Variants in PYGM observed in about 807,000 individuals in gnomAD.
The protein encoded by PYGM is glycogen phosphorylase, muscle form.
In PYGM, 81 loss-of-function variants were observed where a neutral mutation model predicts 99.3. The observed-to-expected ratio is 0.82, with a 90% CI of 0.68 to 0.98. PYGM has a LOEUF of 0.98. Ranked by LOEUF, PYGM falls within the 50% of genes least tolerant of loss-of-function variation. The probability of loss-of-function intolerance (pLI) is 0.00; values close to 1 mark genes in which losing one functional copy is unlikely to be tolerated. For missense variants in PYGM, 1,030 were observed against 1,158.1 expected, an observed-to-expected ratio of 0.89 and a Z score of 1.61; for synonymous variants, 436 against 451.5, an observed-to-expected ratio of 0.97 and a Z score of 0.44.
At chr11:64,750,109 T>C (rs938547802) in intron 17 of PYGM, among the ~76,000 whole-genome samples, 7 of 152,208 alleles carry the variant, frequency 4.6e-5, no homozygotes, top group Non-Finnish European at 8.8e-5. Flanking sequence ...AGGATTTTTT[T>C]ACTTCCATTT....
At chr11:64,758,062 T>A in intron 4 of PYGM, 152 bp from the exon 5 acceptor site, 3 of 1,395,848 alleles carry the variant, frequency 2.1e-6, no homozygotes, top group Non-Finnish European at 3.0e-6. Flanking sequence ...TGCTGGGCTA[T>A]CGAGTGGGAC....
In PYGM at chr11:64,750,602, G is replaced by A. The variant is rs537230893; in HGVS notation, c.1970-19C>T. ...GGGATCACTGTGGGGTGGCAGCAGG[G>A]GGACAAGTCAACTCAGGGAAGACCC... On this transcript the variant is annotated intron_variant, in intron 16 of 19. Coordinates refer to ENST00000164139, the MANE Select transcript of PYGM (RefSeq NM_005609.4). 18 of 1,612,600 alleles carry A rather than the reference G, an allele frequency of 1.1e-5. No homozygotes were observed. The South Asian group carries it at 1.8e-4, about 16-fold the overall frequency.
At chr11:64,751,290 A>C in intron 16 of PYGM, 35 bp downstream of exon 16, 1 of 1,613,622 alleles carries the variant, frequency 6.2e-7, no homozygotes, top group Non-Finnish European at 8.5e-7. Flanking sequence ...TGAACTAGTC[A>C]GAGCCTCCCT....
chr11:64,753,851 A>G (rs1181824831), intron 10 of PYGM, 28 bp downstream of exon 10: 1 of 1,345,770 alleles, frequency 7.4e-7, no homozygotes. Context: ...CCTCACCCCC[A>G]CACCATCCCC....
chr11:64,752,504 G>A lies in PYGM; in HGVS notation c.1519C>T (p.Arg507Cys), dbSNP rs1420860986. 1.1e-5 allele frequency: 17 copies of A among 1,613,132 alleles called. No homozygotes were observed. Among genetic ancestry groups the A allele is most frequent in the Middle Eastern group, 1.7e-4 (1 of 6,060 alleles). The stretch of plus-strand genomic sequence containing the variant: ...TCAGAGATGAAGTCCTCCCCGATGC[G>A]CTATGGGAAGACGGCTCTCAGCCAA... ...NPGLAEVIAERIGEDFISDLD... is the reference protein window; with the variant it reads ...NPGLAEVIAECIGEDFISDLD... Residue 507 changes from arginine (R) to cysteine (C), a missense_variant and splice_region_variant, in exon 13 of 20, where the codon CGC becomes TGC. Transcript: ENST00000164139.
At chr11:64,752,933 G>C in intron 12 of PYGM, 140 bp downstream of exon 12, 1 of 864,978 alleles carries the variant, frequency 1.2e-6, no homozygotes, top group East Asian at 2.4e-5. Flanking sequence ...AGGTGGATGC[G>C]AGGCTTGGGG....
At position 64,746,581 on chromosome 11, in the gene PYGM, C is replaced by A. The variant is rs1565530516; in HGVS notation, c.*78G>T. ...TTAGAGATCTAACTCCAGTACCCCA[C>A]CCTCTGCATGAGGTGCTGGGGCTGG... On this transcript the variant is annotated 3_prime_UTR_variant, in exon 20 of 20. Coordinates refer to ENST00000164139, the MANE Select transcript of PYGM (RefSeq NM_005609.4). 3 of 1,579,220 alleles carry A rather than the reference C, an allele frequency of 1.9e-6. No individual in the cohort carries two copies.
intron 1 of PYGM, among the ~76,000 whole-genome samples, chr11:64,759,290 G>A (rs1358258672): frequency 6.6e-6 from 1 of 151,366 alleles, no homozygotes; most frequent in Non-Finnish European, 1.5e-5. Flanking sequence ...CTTGATCTCT[G>A]CCGCCCCAGC....
chr11:64,753,042 T>A, intron 12 of PYGM, 31 bp downstream of exon 12: 1 of 1,544,344 alleles, frequency 6.5e-7, no homozygotes, highest in Non-Finnish European at 9.0e-7. Context: ...GGACCCATGT[T>A]GACTCTACTG....
At chr11:64,758,027 G>A (rs972611250) in intron 4 of PYGM, 117 bp from the exon 5 acceptor site, 1 of 1,494,820 alleles carries the variant, frequency 6.7e-7, no homozygotes, top group Non-Finnish European at 9.1e-7. Flanking sequence ...GTATAAGTCA[G>A]GAGCTCTGAG....
In PYGM at chr11:64,750,599, A is replaced by AG. The variant is rs1256951903; in HGVS notation, c.1970-17dup. 1 of 1,613,196 alleles carries AG rather than the reference A, an allele frequency of 6.2e-7. No individual in the cohort carries two copies. The highest frequency in any genetic ancestry group is 1.6e-4 in the Middle Eastern group (1 of 6,062). On this transcript the variant is annotated splice_polypyrimidine_tract_variant and intron_variant, in intron 16 of 19. Transcript: ENST00000164139. ...GCTGGGATCACTGTGGGGTGGCAGC[A>AG]GGGGGACAAGTCAACTCAGGGAAGA... is the stretch of plus-strand genomic sequence containing the variant.
At chr11:64,756,079 C>T (rs2058392889) in intron 5 of PYGM, among the ~76,000 whole-genome samples, 1 of 152,220 alleles carries the variant, frequency 6.6e-6, no homozygotes, top group South Asian at 2.1e-4. Context: ...TTGTCTGCTA[C>T]CACGGTGCCA....
chr11:64,750,384 G>A lies in PYGM; in HGVS notation c.2169C>T (p.Asp723=), dbSNP rs2058346346. Residue 723 remains aspartate (D), a synonymous_variant, in exon 17 of 20, where the codon GAC becomes GAT. Transcript: ENST00000164139. ...GMRVEDVDKL[D]QRGYNAQEYY... is the part of the protein sequence containing the mutation. Reference sequence around the variant, plus strand: ...AACCCTGACCCCCATACCCTCTTTGGTCAAGCTTATCCACATCCTCCACCC... The same window carrying A: ...AACCCTGACCCCCATACCCTCTTTGATCAAGCTTATCCACATCCTCCACCC... The A allele has an allele frequency of 1.2e-6, 2 of 1,613,882 alleles. No homozygotes were observed. The highest frequency in any genetic ancestry group is 1.7e-6 in the Non-Finnish European group (2 of 1,179,990).
Position 64,755,174 on chromosome 11 carries a change from G to T in PYGM, c.855+99C>A, listed in dbSNP as rs1040257311. The stretch of plus-strand genomic sequence containing the variant: ...TGCACAAGGCCAGCAATATGCCCTG[G>T]GTGTGACTAGGGCACCAGCAAGTGT... On this transcript the variant is annotated intron_variant, in intron 7 of 19. Coordinates refer to ENST00000164139, the MANE Select transcript of PYGM (RefSeq NM_005609.4). This position sits in a 1 kb window ranked among gnomAD's most constrained non-coding sequence, Gnocchi z 4.1. The T allele has an allele frequency of 7.5e-7, 1 of 1,341,350 alleles. No homozygotes were observed. The highest frequency in any genetic ancestry group is 1.1e-6 in the Non-Finnish European group (1 of 939,000). 83.1% of individuals were successfully genotyped at this position (1,341,350 alleles called of 1,614,324 possible).
Position 64,754,152 on chromosome 11 carries a change from C to CT in PYGM, c.1092+100dup. 6.3e-7 allele frequency: 1 copy of CT among 1,581,740 alleles called. No homozygotes were observed. The highest frequency in any genetic ancestry group is 1.7e-5 in the Admixed American group (1 of 59,966). ...AGGACGGTCCCTCTGGCCTCAGGCTCTGATCCCTTCACTCCATTCATATCC... is the reference window on the plus strand; with the variant it reads ...AGGACGGTCCCTCTGGCCTCAGGCTCTTGATCCCTTCACTCCATTCATATCC... On this transcript the variant is annotated intron_variant, in intron 9 of 19. Coordinates refer to ENST00000164139, the MANE Select transcript of PYGM (RefSeq NM_005609.4). This position sits in a 1 kb window ranked among gnomAD's most constrained non-coding sequence, Gnocchi z 5.5.
chr11:64,758,517 TGGA>T lies in PYGM; in HGVS notation c.346-5_346-3del, dbSNP rs752105014. On this transcript the variant is annotated splice_region_variant and splice_polypyrimidine_tract_variant and intron_variant, in intron 2 of 19. Coordinates refer to ENST00000164139, the MANE Select transcript of PYGM (RefSeq NM_005609.4). Reference sequence around the variant, plus strand: ...CAGCTCCTCCATGTCCAGGCCCAGCTGGAGGAGTGAGGGTGACAGTGGTCAGGG... The same window carrying T: ...CAGCTCCTCCATGTCCAGGCCCAGCTGGAGTGAGGGTGACAGTGGTCAGGG... The T allele has an allele frequency of 6.2e-7, 1 of 1,614,044 alleles. No homozygotes were observed. Among genetic ancestry groups the T allele is most frequent in the Non-Finnish European group, 8.5e-7 (1 of 1,180,000 alleles).
rs764749317 is a variant in PYGM at position 64,759,883 on chromosome 11, A to T, written c.16T>A (p.Ser6Thr). The change falls in exon 1 of 20, where the codon TCA becomes ACA. Residue 6 changes from serine to threonine, a missense_variant. By Grantham distance (58) the Ser-to-Thr change is moderately conservative. Transcript: ENST00000164139. MSRPL[S>T]DQEKRKQISV... The stretch of plus-strand genomic sequence containing the variant: ...ATTTGCTTTCTTTTCTCTTGGTCTG[A>T]CAGGGGCCGGGACATGGCTGCAGGA... The T allele has an allele frequency of 6.2e-7, 1 of 1,614,044 alleles. No homozygotes were observed. The highest frequency in any genetic ancestry group is 1.3e-5 in the African/African-American group (1 of 75,028).
upstream of PYGM, among the ~76,000 whole-genome samples, chr11:64,760,656 C>T (rs920453019): frequency 6.6e-6 from 1 of 152,232 alleles, no homozygotes; most frequent in African/African-American, 2.4e-5. Context: ...AGGCCCTCGG[C>T]GGTGGGAGAA....
In PYGM at chr11:64,758,586, C is replaced by G. The variant is rs774602584; in HGVS notation, c.345+17G>C. 2 of 1,612,760 alleles carry G rather than the reference C, an allele frequency of 1.2e-6. No homozygotes were observed. Among genetic ancestry groups the G allele is most frequent in the Non-Finnish European group, 1.7e-6 (2 of 1,178,908 alleles). On this transcript the variant is annotated intron_variant, in intron 2 of 19. Coordinates refer to ENST00000164139, the MANE Select transcript of PYGM (RefSeq NM_005609.4). Reference sequence around the variant, plus strand: ...GGAATCCCCCAGTCCCCACGGCTTGCCCCACCCCACACACACCTGGTAGGT... The same window carrying G: ...GGAATCCCCCAGTCCCCACGGCTTGGCCCACCCCACACACACCTGGTAGGT...
Sources: gnomAD v4.1 joint callset for allele counts (sites outside exome capture counted in the v4.1 genomes callset) on GRCh38, gnomAD v4.1.1 for gene constraint, Gnocchi (gnomAD v3.1) non-coding constraint, MANE v1.5 for transcripts, NCBI Gene and HGNC (gene_info 2026-07-23, HGNC 2026-07-21) for gene names.